The following PPARGC1A variants were observed in gnomAD, a reference collection of about 807,000 sequenced individuals.
The protein encoded by PPARGC1A is PPARG coactivator 1 alpha, also known as peroxisome proliferator-activated receptor gamma coactivator 1-alpha.
Under a neutral mutation model 88.7 loss-of-function variants are expected in PPARGC1A, and 25 were observed. The ratio of observed to expected loss-of-function variants is 0.28; its 90% CI spans 0.21 to 0.39. The LOEUF (loss-of-function observed/expected upper bound fraction) is 0.39, where lower values mean the gene tolerates loss of function less well. Ranked by LOEUF, PPARGC1A falls within the 10% of genes least tolerant of loss-of-function variation. The pLI, the probability that PPARGC1A is intolerant of heterozygous loss-of-function variation, is 1.00. For missense variants in PPARGC1A, 880 were observed against 968.7 expected (o/e 0.91, Z 1.22); for synonymous variants, 363 against 355.6 (o/e 1.02, Z -0.24).
the PPARGC1A span, among the ~76,000 whole-genome samples, chr4:23,935,975 T>G: frequency 1.3e-5 from 2 of 152,276 alleles, no homozygotes; most frequent in African/African-American, 4.8e-5. Context: ...AGTTTATGTG[T>G]TCTGTCTTCT....
chr4:23,889,078 C>T, intron 1 of PPARGC1A: 2 of 985,354 alleles, frequency 2.0e-6, no homozygotes, highest in Non-Finnish European at 2.4e-6. Flanking sequence ...AAACTGCTTG[C>T]GTTATTTTCC....
the PPARGC1A span, among the ~76,000 whole-genome samples, chr4:24,445,353 C>T: frequency 2.0e-5 from 3 of 152,204 alleles, no homozygotes; most frequent in Non-Finnish European, 2.9e-5. Flanking sequence ...GTTTCCTAAA[C>T]CATGTGTCCG....
the PPARGC1A span, among the ~76,000 whole-genome samples, chr4:24,157,878 G>T: frequency 6.6e-6 from 1 of 151,782 alleles, no homozygotes; most frequent in Non-Finnish European, 1.5e-5. Flanking sequence ...TCTGCAGCCA[G>T]AAAAGTCAGA....
chr4:24,462,719 G>T, the PPARGC1A span, among the ~76,000 whole-genome samples: 16 of 150,616 alleles, frequency 1.1e-4, no homozygotes, highest in Middle Eastern at 3.4e-3. Context: ...TATTATGATG[G>T]ACTCAATATA....
chr4:24,443,738 T>G, the PPARGC1A span, among the ~76,000 whole-genome samples: 25 of 145,850 alleles, frequency 1.7e-4, no homozygotes, highest in Admixed American at 5.5e-4. Flanking sequence ...TTTTTTTTTG[T>G]AAATATGGGG....
At chr4:24,295,803 T>C in the PPARGC1A span, among the ~76,000 whole-genome samples, 9 of 151,174 alleles carry the variant, frequency 6.0e-5, 1 homozygote, top group African/African-American at 2.2e-4. Context: ...ATGCATCCTT[T>C]AAATTGTTTA....
chr4:24,253,786 A>G, the PPARGC1A span, among the ~76,000 whole-genome samples: 2 of 152,202 alleles, frequency 1.3e-5, no homozygotes, highest in Non-Finnish European at 2.9e-5. Flanking sequence ...ATGTTCTCAA[A>G]CAGACCATAG....
the PPARGC1A span, among the ~76,000 whole-genome samples, chr4:24,127,772 G>A: frequency 6.6e-6 from 1 of 152,038 alleles, no homozygotes; most frequent in Non-Finnish European, 1.5e-5. Flanking sequence ...ACAGATATGT[G>A]TGGAAGAGTT....
At chr4:24,250,574 C>T in the PPARGC1A span, among the ~76,000 whole-genome samples, 1 of 150,936 alleles carries the variant, frequency 6.6e-6, no homozygotes, top group African/African-American at 2.4e-5. Context: ...TCCTCATGCA[C>T]AATAAAAAGA....
the PPARGC1A span, among the ~76,000 whole-genome samples, chr4:23,932,866 AGAG>A: frequency 9.9e-5 from 15 of 152,262 alleles, no homozygotes; most frequent in African/African-American, 3.4e-4. Flanking sequence ...TTTGCTCAGA[AGAG>A]GAGAAGGCCA....
chr4:24,362,131 T>G, the PPARGC1A span, among the ~76,000 whole-genome samples: 1 of 152,344 alleles, frequency 6.6e-6, no homozygotes, highest in South Asian at 2.1e-4. Flanking sequence ...TATCCTGTTA[T>G]GAAGAGACTA....
the PPARGC1A span, among the ~76,000 whole-genome samples, chr4:24,130,468 C>T: frequency 6.6e-6 from 1 of 152,136 alleles, no homozygotes; most frequent in Non-Finnish European, 1.5e-5. Flanking sequence ...CTCATCTGAG[C>T]CTTACAATGA....
chr4:23,979,854 G>T, the PPARGC1A span, among the ~76,000 whole-genome samples: 1 of 152,164 alleles, frequency 6.6e-6, no homozygotes. Flanking sequence ...GAGGACAGGT[G>T]TAGTGGATAT....
At chr4:24,026,342 A>G in the PPARGC1A span, among the ~76,000 whole-genome samples, 1 of 152,156 alleles carries the variant, frequency 6.6e-6, no homozygotes, top group Non-Finnish European at 1.5e-5. Flanking sequence ...TGCATACACA[A>G]AATTCACAGT....
the PPARGC1A span, among the ~76,000 whole-genome samples, chr4:24,307,436 T>C: frequency 2.0e-5 from 3 of 152,226 alleles, no homozygotes; most frequent in Admixed American, 2.0e-4. Context: ...TTGTACATAT[T>C]TGTGTGAACT....
the PPARGC1A span, among the ~76,000 whole-genome samples, chr4:24,107,622 G>C: frequency 6.6e-6 from 1 of 152,122 alleles, no homozygotes; most frequent in East Asian, 1.9e-4. Flanking sequence ...AGCATGTTCA[G>C]ACAATAATCT....
the PPARGC1A span, among the ~76,000 whole-genome samples, chr4:24,054,575 C>A: frequency 4.6e-5 from 7 of 152,082 alleles, no homozygotes. Flanking sequence ...GATATCTTTT[C>A]GAGTGAGTAA....
At chr4:23,910,333 T>TA in the PPARGC1A span, among the ~76,000 whole-genome samples, 1 of 58,712 alleles carries the variant, frequency 1.7e-5, no homozygotes, top group Non-Finnish European at 2.7e-5. Context: ...TATTATATAT[T>TA]ATATATATTA....
chr4:24,400,780 T>C, the PPARGC1A span, among the ~76,000 whole-genome samples: 1 of 152,010 alleles, frequency 6.6e-6, no homozygotes, highest in South Asian at 2.1e-4. Flanking sequence ...AGGATGATGG[T>C]GGGGAGGATG....
Sources: gnomAD v4.1 joint callset for allele counts (sites outside exome capture counted in the v4.1 genomes callset) on GRCh38, gnomAD v4.1.1 for gene constraint, MANE v1.5 for transcripts, NCBI Gene and HGNC (gene_info 2026-07-23, HGNC 2026-07-21) for gene names.